The following LRRC4C variants were observed in gnomAD, a reference collection of about 807,000 sequenced individuals.
The protein encoded by LRRC4C is leucine rich repeat containing 4C, also known as leucine-rich repeat-containing protein 4C.
In LRRC4C, 5 loss-of-function variants were observed where a neutral mutation model predicts 33.6. The observed-to-expected ratio is 0.15, with a 90% CI of 0.08 to 0.31. The LOEUF is 0.31. Ranked by LOEUF, LRRC4C falls within the 10% of genes least tolerant of loss-of-function variation. LRRC4C has a pLI of 1.00. For missense variants in LRRC4C, 560 were observed against 796.7 expected (o/e 0.70, Z 3.58); for synonymous variants, 329 against 302.0 (o/e 1.09, Z -0.93).
chr11:40,710,992 G>T (rs1179870302), intron 2 of LRRC4C, among the ~76,000 whole-genome samples: 1 of 152,186 alleles, frequency 6.6e-6, no homozygotes, highest in African/African-American at 2.4e-5. Context: ...TGTGGGACCC[G>T]CTGAGCCAGG....
chr11:40,934,664 T>C (rs1957789178), intron 1 of LRRC4C, among the ~76,000 whole-genome samples: 1 of 152,156 alleles, frequency 6.6e-6, no homozygotes, highest in South Asian at 2.1e-4. Context: ...CCTCTGAGGT[T>C]TCCTTCTAAT....
intron 3 of LRRC4C, among the ~76,000 whole-genome samples, chr11:40,334,544 C>T (rs1206932904): frequency 6.6e-6 from 1 of 152,202 alleles, no homozygotes; most frequent in Admixed American, 6.5e-5. Context: ...GGTGTGTGTA[C>T]TCATAATTGT....
chr11:40,947,303 G>A (rs1958447357), intron 1 of LRRC4C, among the ~76,000 whole-genome samples: 1 of 152,106 alleles, frequency 6.6e-6, no homozygotes, highest in African/African-American at 2.4e-5. Context: ...TTGAGAAGTG[G>A]GAAATACTTG....
intron 4 of LRRC4C, among the ~76,000 whole-genome samples, chr11:40,316,379 A>G (rs1468544066): frequency 6.6e-6 from 1 of 152,022 alleles, no homozygotes; most frequent in African/African-American, 2.4e-5. Context: ...GCTGTTTGGA[A>G]CTTTACTTGT....
At chr11:40,829,375 G>T (rs1181001462) in intron 2 of LRRC4C, among the ~76,000 whole-genome samples, 1 of 151,980 alleles carries the variant, frequency 6.6e-6, no homozygotes, top group Non-Finnish European at 1.5e-5. Flanking sequence ...GCAGCCCCTG[G>T]AATTGCAGAG....
chr11:40,883,137 C>G (rs11036135), intron 2 of LRRC4C, among the ~76,000 whole-genome samples: 11,323 of 152,048 alleles, frequency 0.074, 522 homozygotes, highest in Admixed American at 0.16. Context: ...AACTGTCTTT[C>G]CTTTGCCTTC....
intron 2 of LRRC4C, among the ~76,000 whole-genome samples, chr11:40,924,522 A>G (rs1957335148): frequency 6.6e-6 from 1 of 152,144 alleles, no homozygotes; most frequent in African/African-American, 2.4e-5. Flanking sequence ...ATAGAGAAAG[A>G]TTAGTTAATG....
rs565336253 is a variant in LRRC4C at position 41,011,243 on chromosome 11, A to G, written c.-495-77520T>C. ...CATCATTATCACTACTACTTCATAG[A>G]TATTTACCTAATGGGGGCTAACACC... is the stretch of plus-strand genomic sequence containing the variant. On this transcript the variant is annotated intron_variant, in intron 1 of 6. Coordinates refer to ENST00000528697, the MANE Select transcript of LRRC4C (RefSeq NM_001258419.2). Among the ~76,000 whole-genome samples the G allele has an allele frequency of 7.2e-5, 11 of 152,218 alleles. No homozygotes were observed. The South Asian group carries it at 2.1e-3, about 29-fold the overall frequency.
chr11:41,312,132 A>C (rs2137189198), intron 1 of LRRC4C, among the ~76,000 whole-genome samples: 1 of 152,330 alleles, frequency 6.6e-6, no homozygotes, highest in African/African-American at 2.4e-5. Flanking sequence ...ATGACCAAAA[A>C]GGAGAAAGAA....
chr11:41,260,385 T>G (rs927716300), intron 1 of LRRC4C, among the ~76,000 whole-genome samples: 1 of 152,018 alleles, frequency 6.6e-6, no homozygotes, highest in Non-Finnish European at 1.5e-5. Context: ...CAAAATGTCT[T>G]CTTAGAAATA....
At chr11:41,343,169 G>A (rs1345910124) in intron 1 of LRRC4C, among the ~76,000 whole-genome samples, 1 of 152,108 alleles carries the variant, frequency 6.6e-6, no homozygotes, top group Admixed American at 6.5e-5. Flanking sequence ...CACATTCATA[G>A]ATCCCAGGAG....
rs568710791 is a variant in LRRC4C at position 40,556,359 on chromosome 11, A to G, written c.-270+91783T>C. Among the ~76,000 whole-genome samples the G allele has an allele frequency of 2.6e-5, 4 of 152,356 alleles. No individual in the cohort carries two copies. In the East Asian group the frequency reaches 7.7e-4, roughly 29 times the overall value. ...ATCTGAAGCCAGAGATATTTCAATC[A>G]GCAAGGCTGAAAAACTAGAGACAGA... On this transcript the variant is annotated intron_variant, in intron 3 of 6. Transcript: ENST00000528697.
rs929339624 is a variant in LRRC4C, at chr11:40,505,066, G to A, written c.-270+143076C>T. Among the ~76,000 whole-genome samples, 7 of 151,948 alleles carry A rather than the reference G, an allele frequency of 4.6e-5. No homozygotes were observed. The South Asian group carries it at 6.2e-4, about 14-fold the overall frequency. On this transcript the variant is annotated intron_variant, in intron 3 of 6. Coordinates refer to ENST00000528697, the MANE Select transcript of LRRC4C (RefSeq NM_001258419.2). ...TTTCTCCTTCATACTCTCTTACCTCGTCCTCTATTTTCTAACTGCTGATTC... is the reference window on the plus strand; with the variant it reads ...TTTCTCCTTCATACTCTCTTACCTCATCCTCTATTTTCTAACTGCTGATTC...
intron 3 of LRRC4C, among the ~76,000 whole-genome samples, chr11:40,387,284 C>A (rs1590562900): frequency 6.6e-6 from 1 of 152,108 alleles, no homozygotes; most frequent in Non-Finnish European, 1.5e-5. Flanking sequence ...TGGGTTACCA[C>A]TCCCAATAAC....
At chr11:40,628,470 T>G (rs1963170231) in intron 3 of LRRC4C, among the ~76,000 whole-genome samples, 1 of 147,716 alleles carries the variant, frequency 6.8e-6, no homozygotes, top group Non-Finnish European at 1.5e-5. Flanking sequence ...AGAGCGAGAC[T>G]CCATCTCAAA....
chr11:40,492,523 G>A (rs1028266835), intron 3 of LRRC4C, among the ~76,000 whole-genome samples: 4 of 151,694 alleles, frequency 2.6e-5, no homozygotes, highest in African/African-American at 9.7e-5. Context: ...CACCTTACAC[G>A]TTATTACGTA....
At chr11:41,200,403 G>C (rs1946356743) in intron 1 of LRRC4C, among the ~76,000 whole-genome samples, 2 of 152,108 alleles carry the variant, frequency 1.3e-5, no homozygotes, top group Non-Finnish European at 2.9e-5. Flanking sequence ...CTGCATTACT[G>C]CACCTGACTA....
In LRRC4C at chr11:40,138,334, C is replaced by T. The variant is rs920543308; in HGVS notation, c.-43+2467G>A. On this transcript the variant is annotated intron_variant, in intron 6 of 6. Coordinates refer to ENST00000528697, the MANE Select transcript of LRRC4C (RefSeq NM_001258419.2). ...TATAGGTGCATGCTACCACACATGG[C>T]TGCTTTTAAAATTTTTTATAGAGAT... Among the ~76,000 whole-genome samples the T allele has an allele frequency of 7.9e-5, 12 of 152,172 alleles. No individual in the cohort carries two copies. The East Asian group carries it at 2.3e-3, about 29-fold the overall frequency.
chr11:40,337,950 A>T (rs1946703176), intron 3 of LRRC4C, among the ~76,000 whole-genome samples: 1 of 152,114 alleles, frequency 6.6e-6, no homozygotes, highest in African/African-American at 2.4e-5. Context: ...TCTTAAATCC[A>T]TTCACAATTA....
Sources: gnomAD v4.1 joint callset for allele counts (sites outside exome capture counted in the v4.1 genomes callset) on GRCh38, gnomAD v4.1.1 for gene constraint, MANE v1.5 for transcripts, NCBI Gene and HGNC (gene_info 2026-07-23, HGNC 2026-07-21) for gene names.